HERC2: variants seen among roughly 807,000 people sequenced by gnomAD.
The protein encoded by HERC2 is E3 ubiquitin-protein ligase HERC2.
A neutral mutation model predicts 537.7 loss-of-function variants in HERC2; 102 were observed. The observed-to-expected ratio is 0.19, with a 90% CI of 0.16 to 0.22. The LOEUF (loss-of-function observed/expected upper bound fraction) is 0.22, where lower values mean the gene tolerates loss of function less well. Among genes scored for constraint, HERC2 ranks in the 10% least tolerant of loss-of-function variants. The pLI is 1.00. For synonymous variants in HERC2, 2,224 were observed against 2,466.2 expected, an observed-to-expected ratio of 0.90 and a Z score of 2.91; for missense variants, 4,236 against 6,198.2, an observed-to-expected ratio of 0.68 and a Z score of 10.63.
rs749304891 is a variant in HERC2 at position 28,113,213 on chromosome 15, G to A, written c.14090C>T (p.Ser4697Phe). The A allele has an allele frequency of 1.9e-6, 3 of 1,614,050 alleles. No individual in the cohort carries two copies. Among genetic ancestry groups the A allele is most frequent in the Non-Finnish European group, 2.5e-6 (3 of 1,180,054 alleles). Reference sequence around the variant, plus strand: ...CCAGAACCACTGGATCAGCGATGCGGAAGGCTCGATGCCTTTATAGGTGGC... The same window carrying A: ...CCAGAACCACTGGATCAGCGATGCGAAAGGCTCGATGCCTTTATAGGTGGC... ...SVATYKGIEP[S>F]ASLIQWFWEV... is the part of the protein sequence containing the mutation. The change falls in exon 92 of 93, where the codon TCC (serine) becomes TTC (phenylalanine). Residue 4697 changes from serine (S) to phenylalanine (F), a missense_variant. Around this residue, in one of 27 missense-constraint regions of HERC2, gnomAD observed 313 missense variants for 462.6 expected, o/e 0.68. Coordinates refer to ENST00000261609, the MANE Select transcript of HERC2 (RefSeq NM_004667.6). The surrounding 1 kb of genome is among the most constrained non-coding windows in gnomAD (Gnocchi z 7.0).
chr15:28,272,824 C>T, intron 8 of HERC2, 70 bp downstream of exon 8: 1 of 1,016,198 alleles, frequency 9.8e-7, no homozygotes, highest in South Asian at 1.4e-5. Context: ...CAGTGAAACA[C>T]ACACAATGCA....
At chr15:28,287,364 G>A (rs1206934912) in intron 4 of HERC2, among the ~76,000 whole-genome samples, 1 of 152,106 alleles carries the variant, frequency 6.6e-6, no homozygotes, top group Non-Finnish European at 1.5e-5. Context: ...GTAGAGAGTC[G>A]GTTCTGCGAA....
chr15:28,171,901 C>T (rs1355519004), intron 65 of HERC2, among the ~76,000 whole-genome samples: 1 of 151,880 alleles, frequency 6.6e-6, no homozygotes, highest in Non-Finnish European at 1.5e-5. Flanking sequence ...GGTGAAACCC[C>T]GTCTCTACTA....
chr15:28,188,450 A>C (rs892780729), intron 55 of HERC2, among the ~76,000 whole-genome samples: 26 of 152,066 alleles, frequency 1.7e-4, no homozygotes, highest in Non-Finnish European at 2.9e-5. Flanking sequence ...AGGCTGAGGC[A>C]GGAGAATGGA....
chr15:28,299,886 A>C (rs1275936077), intron 2 of HERC2, among the ~76,000 whole-genome samples: 1 of 151,552 alleles, frequency 6.6e-6, no homozygotes. Flanking sequence ...ACCCCGTCCC[A>C]ACTAAAAATA....
At chr15:28,165,804 C>T (rs1170079281) in intron 68 of HERC2, among the ~76,000 whole-genome samples, 1 of 151,974 alleles carries the variant, frequency 6.6e-6, no homozygotes, top group African/African-American at 2.4e-5. Context: ...TGTCTAAAAA[C>T]AAAACAAAAA....
chr15:28,167,611 C>T, intron 68 of HERC2, 76 bp downstream of exon 68: 1 of 1,557,414 alleles, frequency 6.4e-7, no homozygotes, highest in Non-Finnish European at 8.8e-7. Flanking sequence ...GTGTTCCACT[C>T]CTAAGTTCTA....
At chr15:28,244,349 C>A (rs1167061159) in intron 23 of HERC2, among the ~76,000 whole-genome samples, 2 of 152,114 alleles carry the variant, frequency 1.3e-5, no homozygotes, top group Non-Finnish European at 2.9e-5. Flanking sequence ...TCTAGTTCCA[C>A]TTATATGAAG....
At position 28,305,082 on chromosome 15, in the gene HERC2, A is replaced by G. The variant is rs962211549; in HGVS notation, c.73-5566T>C. Among the ~76,000 whole-genome samples the G allele has an allele frequency of 4.8e-5, 7 of 146,830 alleles. No homozygotes were observed. In the East Asian group the frequency reaches 1.2e-3, roughly 25 times the overall value. On this transcript the variant is annotated intron_variant, in intron 2 of 92. Coordinates refer to ENST00000261609, the MANE Select transcript of HERC2 (RefSeq NM_004667.6). ...ATGGCTGCATAGTATTCCATGGTGT[A>G]TATGTGCCACATTTTCTTAATCCAG...
rs781050481 is a variant in HERC2, at chr15:28,269,191, T to C, written c.1446+57A>G. 5.6e-6 allele frequency: 8 copies of C among 1,431,476 alleles called. No individual in the cohort carries two copies. In the Admixed American group the frequency reaches 5.7e-5, roughly 10 times the overall value. The allele number at this position is 1,431,476 out of a possible 1,614,324, so 88.7% of individuals were successfully genotyped here. On this transcript the variant is annotated intron_variant, in intron 11 of 92. Transcript: ENST00000261609. ...AGAAACACCAGAGCTTGTGCATCTGTAGGACAGACCCTGCCCCGCAAGGGA... is the reference window on the plus strand; with the variant it reads ...AGAAACACCAGAGCTTGTGCATCTGCAGGACAGACCCTGCCCCGCAAGGGA...
At chr15:28,156,472 T>A (rs1051012634) in intron 69 of HERC2, among the ~76,000 whole-genome samples, 1 of 152,238 alleles carries the variant, frequency 6.6e-6, no homozygotes, top group African/African-American at 2.4e-5. Flanking sequence ...GTCCTTCACA[T>A]CCCTTGTAAG....
rs1258702056 is a variant in HERC2 at position 28,321,554 on chromosome 15, G to C, written c.-31-90C>G. The C allele has an allele frequency of 7.3e-5, 43 of 586,506 alleles. 1 individual carries two copies. The highest frequency in any genetic ancestry group is 1.1e-4 in the Non-Finnish European group (38 of 356,378). 36.3% of individuals were successfully genotyped at this position (586,506 alleles called of 1,614,324 possible). On this transcript the variant is annotated intron_variant, in intron 1 of 92. Transcript: ENST00000261609. ...AGCCAGAAAAGAAAAAAGAGAGAGA[G>C]AACAGAAAGGGGGGAGAGAAGAGCT...
intron 4 of HERC2, among the ~76,000 whole-genome samples, chr15:28,292,540 G>A (rs1294095620): frequency 6.6e-6 from 1 of 152,108 alleles, no homozygotes; most frequent in Admixed American, 6.6e-5. Context: ...GTAGTGCCAG[G>A]TGCGATGGCT....
At chr15:28,317,350 A>G (rs527809807) in intron 2 of HERC2, among the ~76,000 whole-genome samples, 1 of 152,326 alleles carries the variant, frequency 6.6e-6, no homozygotes, top group Admixed American at 6.5e-5. Context: ...CGGCCTCCCA[A>G]AGTGCTGTGA....
chr15:28,316,404 C>T (rs2077087241), intron 2 of HERC2, among the ~76,000 whole-genome samples: 1 of 151,964 alleles, frequency 6.6e-6, no homozygotes, highest in Non-Finnish European at 1.5e-5. Flanking sequence ...CTTTGGGAGG[C>T]CAAGGCAGGA....
intron 44 of HERC2, among the ~76,000 whole-genome samples, chr15:28,210,415 C>A (rs1230773760): frequency 6.6e-6 from 1 of 152,220 alleles, no homozygotes; most frequent in African/African-American, 2.4e-5. Context: ...GGATTACAGG[C>A]ATGAGCCATT....
At chr15:28,215,525 C>T (rs1242939214) in intron 39 of HERC2, 96 bp downstream of exon 39, 3 of 989,640 alleles carry the variant, frequency 3.0e-6, no homozygotes, top group Non-Finnish European at 4.6e-6. Context: ...CCTTTCTGCA[C>T]TCGTTACTGA....
intron 5 of HERC2, 141 bp from the exon 6 acceptor site, chr15:28,275,146 C>G (rs1047268976): frequency 2.1e-6 from 1 of 481,144 alleles, no homozygotes; most frequent in Non-Finnish European, 3.7e-6. Context: ...GTGGATTTTT[C>G]GTTTTGTTGT....
At chr15:28,215,911 CT>C in intron 38 of HERC2, 109 bp from the exon 39 acceptor site, 1 of 812,620 alleles carries the variant, frequency 1.2e-6, no homozygotes, top group Non-Finnish European at 1.9e-6. Flanking sequence ...AAATAAGCTC[CT>C]TTACAAATAT....
Sources: gnomAD v4.1 joint callset for allele counts (sites outside exome capture counted in the v4.1 genomes callset) on GRCh38, gnomAD v4.1.1 for gene constraint, gnomAD v4.1.1 regional missense constraint, Gnocchi (gnomAD v3.1) non-coding constraint, MANE v1.5 for transcripts, NCBI Gene and HGNC (gene_info 2026-07-23, HGNC 2026-07-21) for gene names.